The following NAV3 variants were observed in gnomAD, a reference collection of about 807,000 sequenced individuals.
NAV3 encodes neuron navigator 3, also known as pore membrane and/or filament interacting like protein 1.
A neutral mutation model predicts 244.7 loss-of-function variants in NAV3; 87 were observed. The ratio of observed to expected loss-of-function variants is 0.36; its 90% CI spans 0.30 to 0.42. The LOEUF is 0.42. NAV3 is among the 20% of genes least tolerant of loss of function. The pLI, the probability that NAV3 is intolerant of heterozygous loss-of-function variation, is 1.00. For synonymous variants in NAV3, 1,126 were observed against 1,042.2 expected (o/e 1.08, Z -1.55); for missense variants, 2,663 against 2,893.3 (o/e 0.92, Z 1.83).
rs2137250850 is a variant in NAV3, at chr12:78,050,891, G to A, written c.2260G>A (p.Gly754Arg). ...CCAGGCATGTCCGCGACTTCAGGCG[G>A]GAGATGCTCCCTCCCTGGGTGCTGG... The part of the protein sequence containing the change: ...LGQACPRLQA[G>R]DAPSLGAGYP... The change falls in exon 11 of 40, where the codon GGA (glycine) becomes AGA (arginine). Residue 754 changes from glycine to arginine, a missense_variant. Transcript: ENST00000397909. 6.2e-7 allele frequency: 1 copy of A among 1,614,100 alleles called. No individual in the cohort carries two copies.
intron 2 of NAV3, among the ~76,000 whole-genome samples, chr12:77,823,243 G>C (rs1406046156): frequency 2.0e-5 from 3 of 152,074 alleles, no homozygotes; most frequent in African/African-American, 7.2e-5. Context: ...CAAAGTACCA[G>C]AAAAGAAGGA....
chr12:78,054,114 A>T (rs1883150206), intron 11 of NAV3, among the ~76,000 whole-genome samples: 1 of 152,368 alleles, frequency 6.6e-6, no homozygotes, highest in African/African-American at 2.4e-5. Context: ...AAACCCTCAC[A>T]TGAAATAGAA....
At chr12:77,878,012 G>A (rs1046951142) in intron 1 of NAV3, among the ~76,000 whole-genome samples, 3 of 151,994 alleles carry the variant, frequency 2.0e-5, no homozygotes, top group Admixed American at 6.6e-5. Context: ...CAATAAATGA[G>A]CATTCTACAA....
intron 39 of NAV3, among the ~76,000 whole-genome samples, chr12:78,209,043 T>G (rs1960625902): frequency 6.6e-6 from 1 of 152,130 alleles, no homozygotes; most frequent in Non-Finnish European, 1.5e-5. Flanking sequence ...GCTTACTGGG[T>G]TTAAAAAGTT....
At chr12:77,612,596 A>G (rs1323264915) in intron 2 of NAV3, among the ~76,000 whole-genome samples, 2 of 152,098 alleles carry the variant, frequency 1.3e-5, no homozygotes, top group African/African-American at 2.4e-5. Context: ...ACTGAACACT[A>G]CACCTTGTAG....
chr12:77,835,041 T>C (rs10859453), intron 1 of NAV3, among the ~76,000 whole-genome samples: 71,423 of 151,526 alleles, frequency 0.47, 19,071 homozygotes, highest in East Asian at 0.68. Flanking sequence ...AAATCTGGAG[T>C]TGAGCAGTCC....
chr12:77,644,227 C>A (rs1000505914), intron 2 of NAV3, among the ~76,000 whole-genome samples: 2 of 151,966 alleles, frequency 1.3e-5, no homozygotes, highest in Non-Finnish European at 2.9e-5. Flanking sequence ...GTCTGTGGAA[C>A]CTTTTCTGTT....
In NAV3 at chr12:78,050,197, G is replaced by T. The variant is rs532157329; in HGVS notation, c.2132+96G>T. On this transcript the variant is annotated intron_variant, in intron 10 of 39. Transcript: ENST00000397909. ...TTATAATGACAGAGATGGGATTTCA[G>T]TTTCCCCTTACTATTTTCTCCCTTG... 12 of 837,652 alleles carry T rather than the reference G, an allele frequency of 1.4e-5. No individual in the cohort carries two copies. In the South Asian group the frequency reaches 1.9e-4, roughly 13 times the overall value. 51.9% of individuals were successfully genotyped at this position (837,652 alleles called of 1,614,324 possible). A position where few individuals can be genotyped will look rare whatever the true frequency, so the allele number is the denominator to read the frequency against.
At chr12:78,184,002 G>T (rs1958606230) in intron 30 of NAV3, among the ~76,000 whole-genome samples, 1 of 151,698 alleles carries the variant, frequency 6.6e-6, no homozygotes, top group South Asian at 2.1e-4. Context: ...GCATTCCTCA[G>T]CCTTCTGGTC....
chr12:78,165,664 G>A (rs1471804718), intron 23 of NAV3, among the ~76,000 whole-genome samples: 1 of 151,428 alleles, frequency 6.6e-6, no homozygotes, highest in Admixed American at 6.6e-5. Flanking sequence ...AGAAACCTGA[G>A]AAAATGTATC....
At chr12:77,779,502 G>A (rs1326786113) in intron 2 of NAV3, among the ~76,000 whole-genome samples, 1 of 152,040 alleles carries the variant, frequency 6.6e-6, no homozygotes, top group African/African-American at 2.4e-5. Flanking sequence ...AAGTATGAAT[G>A]GTTCCCTCAT....
At chr12:77,876,377 G>A (rs1881850433) in intron 1 of NAV3, among the ~76,000 whole-genome samples, 1 of 152,030 alleles carries the variant, frequency 6.6e-6, no homozygotes, top group African/African-American at 2.4e-5. Flanking sequence ...ATAGGAAGTA[G>A]GAGGAACAAG....
intron 2 of NAV3, among the ~76,000 whole-genome samples, chr12:77,596,587 A>C (rs1398981298): frequency 1.3e-5 from 2 of 152,118 alleles, no homozygotes. Flanking sequence ...TTTTATTTTA[A>C]AATAAAGGTT....
rs1592768084 is a variant in NAV3, at chr12:77,847,307, G to A, written c.243+15603G>A. On this transcript the variant is annotated intron_variant, in intron 1 of 39. Coordinates refer to ENST00000397909, the MANE Select transcript of NAV3 (RefSeq NM_001024383.2). ...TAAAGGTCACCCGTTTTCCTTCTCTGTTTTTATTGGATGAGGAAAATTGCC... is the reference window on the plus strand; with the variant it reads ...TAAAGGTCACCCGTTTTCCTTCTCTATTTTTATTGGATGAGGAAAATTGCC... Among the ~76,000 whole-genome samples the A allele has an allele frequency of 1.3e-5, 2 of 152,164 alleles. 1 individual carries two copies. The highest frequency in any genetic ancestry group is 3.9e-4 in the East Asian group (2 of 5,194).
chr12:77,637,134 T>C (rs1047661270), intron 2 of NAV3, among the ~76,000 whole-genome samples: 3 of 151,760 alleles, frequency 2.0e-5, no homozygotes, highest in Admixed American at 6.6e-5. Flanking sequence ...GAACTTAAAG[T>C]ATAATAAAAA....
chr12:77,733,232 G>A (rs1050172317), intron 2 of NAV3, among the ~76,000 whole-genome samples: 2 of 152,004 alleles, frequency 1.3e-5, no homozygotes, highest in South Asian at 2.1e-4. Context: ...AAGGAGGTAC[G>A]TTTAATAAGA....
chr12:77,903,173 C>A (rs1159628123), intron 1 of NAV3, among the ~76,000 whole-genome samples: 2 of 152,128 alleles, frequency 1.3e-5, no homozygotes, highest in African/African-American at 4.8e-5. Context: ...CAAAACAGAG[C>A]CCGCATCGCC....
intron 12 of NAV3, among the ~76,000 whole-genome samples, chr12:78,077,511 T>C (rs1953111164): frequency 6.6e-6 from 1 of 152,262 alleles, no homozygotes; most frequent in Admixed American, 6.5e-5. Flanking sequence ...TCCATGGCCA[T>C]AGTTTGCTGA....
intron 2 of NAV3, among the ~76,000 whole-genome samples, chr12:77,667,902 C>T (rs1046419617): frequency 2.0e-5 from 3 of 152,132 alleles, no homozygotes; most frequent in Admixed American, 6.5e-5. Context: ...TTCTTCACTC[C>T]CCTGCTACCT....
Sources: allele counts gnomAD v4.1 joint callset (sites outside exome capture counted in the v4.1 genomes callset), GRCh38; gene constraint gnomAD v4.1.1; transcripts MANE v1.5; gene names NCBI Gene and HGNC (gene_info 2026-07-23, HGNC 2026-07-21).